SAXO2: variants seen among roughly 807,000 people sequenced by gnomAD.
SAXO2 encodes the protein stabilizer of axonemal microtubules 2.
Under a neutral mutation model 18.7 loss-of-function variants are expected in SAXO2, and 17 were observed. The ratio of observed to expected loss-of-function variants is 0.91; its 90% CI spans 0.62 to 1.36. The LOEUF is 1.36. SAXO2 is among the 40% of genes most tolerant of loss of function. SAXO2 has a pLI of 0.00. For synonymous variants in SAXO2, 163 were observed against 181.2 expected (o/e 0.90, Z 0.81); for missense variants, 486 against 562.6 (o/e 0.86, Z 1.38).
chr15:82,264,067 G>GTTTT (rs1567086394), intron 1 of SAXO2, among the ~76,000 whole-genome samples: 7 of 134,162 alleles, frequency 5.2e-5, no homozygotes, highest in South Asian at 2.3e-4. Context: ...CATATGCATT[G>GTTTT]ATTTTTTTTT....
chr15:82,280,827 C>A (rs1026428898), intron 3 of SAXO2, among the ~76,000 whole-genome samples: 2 of 152,194 alleles, frequency 1.3e-5, no homozygotes, highest in East Asian at 3.8e-4. Context: ...ACAAGAATAA[C>A]AATGCTTGAT....
At chr15:82,276,073 A>G (rs1240815712) in intron 3 of SAXO2, among the ~76,000 whole-genome samples, 1 of 152,230 alleles carries the variant, frequency 6.6e-6, no homozygotes, top group Non-Finnish European at 1.5e-5. Flanking sequence ...AAATCAATGC[A>G]CAAAAATCAG....
At chr15:82,274,585 C>G (rs1186601730) in intron 3 of SAXO2, among the ~76,000 whole-genome samples, 1 of 151,670 alleles carries the variant, frequency 6.6e-6, no homozygotes. Context: ...TGCCTGTAAT[C>G]CCAGCTACTC....
chr15:82,273,545 C>A (rs2072584772), intron 3 of SAXO2, among the ~76,000 whole-genome samples: 1 of 152,012 alleles, frequency 6.6e-6, no homozygotes, highest in Admixed American at 6.6e-5. Flanking sequence ...AATGTTTTTT[C>A]TGTTTTTTAA....
At chr15:82,281,055 A>G (rs555849288) in intron 3 of SAXO2, among the ~76,000 whole-genome samples, 2 of 152,224 alleles carry the variant, frequency 1.3e-5, no homozygotes, top group Non-Finnish European at 2.9e-5. Flanking sequence ...TAAATATTGC[A>G]TAGACTTTAG....
chr15:82,279,370 A>C (rs1444287525), intron 3 of SAXO2, among the ~76,000 whole-genome samples: 3 of 152,196 alleles, frequency 2.0e-5, no homozygotes, highest in African/African-American at 7.2e-5. Flanking sequence ...GAAGGAAATG[A>C]GGGAGAGAAA....
intron 2 of SAXO2, among the ~76,000 whole-genome samples, chr15:82,267,606 G>A (rs922806951): frequency 2.0e-5 from 3 of 152,146 alleles, no homozygotes; most frequent in African/African-American, 7.2e-5. Context: ...TTAGATTTTG[G>A]TGTTAGTTAT....
chr15:82,263,112 A>C (rs1386998383), intron 1 of SAXO2, 180 bp downstream of exon 1: 1 of 1,482,232 alleles, frequency 6.7e-7, no homozygotes, highest in Non-Finnish European at 8.9e-7. Context: ...CCCGCCTGCT[A>C]CCCGGGGGTA....
chr15:82,264,031 A>G (rs1596022806), intron 1 of SAXO2, among the ~76,000 whole-genome samples: 1 of 152,006 alleles, frequency 6.6e-6, no homozygotes, highest in Admixed American at 6.5e-5. Context: ...TCCACAGATA[A>G]CAAATGTTCT....
chr15:82,270,716 T>C (rs2075263514), intron 2 of SAXO2, among the ~76,000 whole-genome samples: 2 of 152,180 alleles, frequency 1.3e-5, no homozygotes. Flanking sequence ...GTGGCTACCA[T>C]ATTGATCTTA....
chr15:82,265,650 A>G lies in SAXO2; in HGVS notation c.135A>G (p.Lys45=), dbSNP rs1342701766. 15 of 1,490,028 alleles carry G rather than the reference A, an allele frequency of 1.0e-5. No individual in the cohort carries two copies. The highest frequency in any genetic ancestry group is 1.3e-5 in the Non-Finnish European group (15 of 1,127,784). 92.3% of individuals were successfully genotyped at this position (1,490,028 alleles called of 1,614,324 possible). A position where few individuals can be genotyped will look rare whatever the true frequency, so the allele number is the denominator to read the frequency against. Reference sequence around the variant, plus strand: ...GCCCTACAACTGAATATTTGGAAAAATATCCTATGTATGACAATGTTCTTC... The same window carrying G: ...GCCCTACAACTGAATATTTGGAAAAGTATCCTATGTATGACAATGTTCTTC... ...VFCPTTEYLE[K]YPMYDNVLPP... Residue 45 remains lysine (K), a synonymous_variant, in exon 2 of 4, where the codon AAA becomes AAG. Coordinates refer to ENST00000682753, the MANE Select transcript of SAXO2 (RefSeq NM_001348699.2).
intron 2 of SAXO2, among the ~76,000 whole-genome samples, chr15:82,268,246 A>T (rs983432516): frequency 2.0e-5 from 3 of 152,210 alleles, no homozygotes; most frequent in Non-Finnish European, 4.4e-5. Flanking sequence ...TGTTTATTGA[A>T]CAAAGATTTT....
At position 82,282,705 on chromosome 15, in the gene SAXO2, A is replaced by G; in HGVS notation, c.1020A>G (p.Gln340=). 6.2e-7 allele frequency: 1 copy of G among 1,614,190 alleles called. No homozygotes were observed. The highest frequency in any genetic ancestry group is 2.2e-5 in the East Asian group (1 of 44,888). The change falls in exon 4 of 4, where the codon CAA becomes CAG. Residue 340 remains glutamine (Q), a synonymous_variant. Transcript: ENST00000682753. ...AAAGAAGTAACAATTTTCCTTTCCAAGGAAAAAGCATCATGAAAGAAGATT... is the reference window on the plus strand; with the variant it reads ...AAAGAAGTAACAATTTTCCTTTCCAGGGAAAAAGCATCATGAAAGAAGATT... ...SQKRSNNFPF[Q]GKSIMKEDFP...
intron 3 of SAXO2, among the ~76,000 whole-genome samples, chr15:82,281,009 T>A (rs150165216): frequency 0.069 from 10,510 of 152,262 alleles, 559 homozygotes; most frequent in African/African-American, 0.13. Flanking sequence ...AAAGAAGATA[T>A]CCACATAATA....
At chr15:82,263,026 G>C (rs908365193) in intron 1 of SAXO2, 94 bp downstream of exon 1, 3 of 1,538,698 alleles carry the variant, frequency 1.9e-6, no homozygotes, top group African/African-American at 2.8e-5. Context: ...CCTGAGAGTG[G>C]CCGTCCCCCG....
chr15:82,270,101 C>T (rs1188578391), intron 2 of SAXO2, among the ~76,000 whole-genome samples: 2 of 152,272 alleles, frequency 1.3e-5, no homozygotes, highest in Non-Finnish European at 2.9e-5. Flanking sequence ...GTATGAAGCT[C>T]ACAGAAGAGG....
chr15:82,263,078 C>G, intron 1 of SAXO2, 146 bp downstream of exon 1: 1 of 1,510,520 alleles, frequency 6.6e-7, no homozygotes, highest in Non-Finnish European at 8.8e-7. Flanking sequence ...CCACTTATCC[C>G]GCTCCGCGAA....
Position 82,283,995 on chromosome 15 carries a change from T to C in SAXO2, c.*933T>C, listed in dbSNP as rs920223820. ...TGAGTTTAAGTTCTAATAATATAGA[T>C]TTCTATTTGTACTACCTTAGGCAGT... On this transcript the variant is annotated 3_prime_UTR_variant, in exon 4 of 4. Transcript: ENST00000682753. 3 of 152,234 alleles carry C rather than the reference T, an allele frequency of 2.0e-5. No homozygotes were observed. Among genetic ancestry groups the C allele is most frequent in the African/African-American group, 7.2e-5 (3 of 41,456 alleles). The allele number at this position is 152,234 out of a possible 1,614,324, so 9.4% of individuals were successfully genotyped here.
chr15:82,279,319 A>C (rs1315625820), intron 3 of SAXO2, among the ~76,000 whole-genome samples: 1 of 152,198 alleles, frequency 6.6e-6, no homozygotes, highest in Non-Finnish European at 1.5e-5. Flanking sequence ...AATATTTAGA[A>C]GGTAATATCA....
Sources: gnomAD v4.1 joint callset for allele counts (sites outside exome capture counted in the v4.1 genomes callset) on GRCh38, gnomAD v4.1.1 for gene constraint, MANE v1.5 for transcripts, NCBI Gene and HGNC (gene_info 2026-07-23, HGNC 2026-07-21) for gene names.